Variants in MYO16 observed in about 807,000 individuals in gnomAD.
The protein encoded by MYO16 is unconventional myosin-XVI.
Under a neutral mutation model 205.3 loss-of-function variants are expected in MYO16, and 94 were observed. The ratio of observed to expected loss-of-function variants is 0.46; its 90% CI spans 0.39 to 0.54. MYO16 has a LOEUF of 0.54. Ranked by LOEUF, MYO16 falls within the 20% of genes least tolerant of loss-of-function variation. The probability of loss-of-function intolerance (pLI) is 0.00; values close to 1 mark genes in which losing one functional copy is unlikely to be tolerated. For synonymous variants in MYO16, 988 were observed against 954.0 expected, an observed-to-expected ratio of 1.04 and a Z score of -0.66; for missense variants, 2,315 against 2,387.5, an observed-to-expected ratio of 0.97 and a Z score of 0.63.
At chr13:108,909,910 C>A in intron 15 of MYO16, 93 bp from the exon 16 acceptor site, 1 of 1,315,484 alleles carries the variant, frequency 7.6e-7, no homozygotes, top group Non-Finnish European at 1.1e-6. Context: ...CTCAACAGTC[C>A]TTGTATCTCT....
At position 109,140,858 on chromosome 13, in the gene MYO16, A is replaced by G; in HGVS notation, c.4646A>G (p.Lys1549Arg). The G allele has an allele frequency of 1.3e-6, 2 of 1,597,866 alleles. No individual in the cohort carries two copies. The highest frequency in any genetic ancestry group is 1.7e-4 in the Middle Eastern group (1 of 5,986). ...CTGCCAGTCCTGGAGACCAACCTCA[A>G]GTACCCCGTGCAGCCGGAGGGGTCG... Reference protein sequence around the residue: ...KKLPVLETNLKYPVQPEGSSP... With the variant: ...KKLPVLETNLRYPVQPEGSSP... The change falls in exon 32 of 35, where the codon AAG (lysine) becomes AGG (arginine). Residue 1549 changes from lysine (K) to arginine (R), a missense_variant. Physicochemically the swap from Lys to Arg is conservative, Grantham distance 26 (BLOSUM62 2). Coordinates refer to ENST00000457511, the MANE Select transcript of MYO16 (RefSeq NM_001198950.3). The surrounding 1 kb of genome is among the most constrained non-coding windows in gnomAD (Gnocchi z 8.0).
chr13:109,196,719 T>G (rs1880173847), intron 34 of MYO16, among the ~76,000 whole-genome samples: 1 of 152,212 alleles, frequency 6.6e-6, no homozygotes, highest in South Asian at 2.1e-4. Flanking sequence ...GTTTGTGGAA[T>G]GGATCCCTTT....
At chr13:108,785,609 T>G in intron 4 of MYO16, 26 bp from the exon 5 acceptor site, 1 of 1,380,502 alleles carries the variant, frequency 7.2e-7, no homozygotes, top group Admixed American at 2.0e-5. Flanking sequence ...GTATATATGA[T>G]GTTATATTTT....
rs1311592873 is a variant in MYO16, at chr13:109,002,473, C to CT, written c.2443-6422dup. On this transcript the variant is annotated intron_variant, in intron 21 of 34. Transcript: ENST00000457511. ...GTGCATAGTTTTTATTAGTAAACCA[C>CT]TTAGCAGTGGCACTTCATGTACAAA... 2.6e-5 allele frequency among the ~76,000 whole-genome samples: 4 copies of CT among 152,244 alleles called. No homozygotes were observed. The East Asian group carries it at 7.7e-4, about 29-fold the overall frequency.
intron 2 of MYO16, among the ~76,000 whole-genome samples, chr13:108,688,659 A>G (rs1882775522): frequency 6.6e-6 from 1 of 152,174 alleles, no homozygotes; most frequent in African/African-American, 2.4e-5. Flanking sequence ...ATTTAGGCAG[A>G]AAACAGACTT....
intron 9 of MYO16, 128 bp from the exon 10 acceptor site, chr13:108,844,215 C>A (rs1225964209): frequency 1.6e-6 from 1 of 624,472 alleles, no homozygotes; most frequent in Non-Finnish European, 2.4e-6. Flanking sequence ...TTTTTTCCTG[C>A]AGTTTATAAG....
intron 31 of MYO16, among the ~76,000 whole-genome samples, chr13:109,130,517 C>T (rs939924932): frequency 6.6e-6 from 1 of 152,342 alleles, no homozygotes. Context: ...AGACAATTAA[C>T]CAGCTTAAGC....
chr13:108,881,312 G>A (rs1376343234), intron 12 of MYO16, among the ~76,000 whole-genome samples: 2 of 152,138 alleles, frequency 1.3e-5, no homozygotes, highest in Admixed American at 1.3e-4. Context: ...ATGACCAAAG[G>A]TAGATAAAAC....
chr13:108,562,425 A>C, the MYO16 span, among the ~76,000 whole-genome samples: 2 of 152,220 alleles, frequency 1.3e-5, no homozygotes, highest in Non-Finnish European at 2.9e-5. Flanking sequence ...AAGAAAATGT[A>C]GGAAGAGTAG....
the MYO16 span, among the ~76,000 whole-genome samples, chr13:108,528,527 G>A: frequency 7.2e-6 from 1 of 139,144 alleles, no homozygotes; most frequent in South Asian, 2.3e-4. Context: ...AAACATGAGA[G>A]TAGCTTCATT....
intron 27 of MYO16, among the ~76,000 whole-genome samples, chr13:109,087,560 C>T (rs1443713102): frequency 6.6e-6 from 1 of 152,056 alleles, no homozygotes; most frequent in African/African-American, 2.4e-5. Flanking sequence ...GCAGGAGAAT[C>T]ACCTGAACCC....
chr13:108,727,066 T>G (rs1156621241), intron 3 of MYO16, among the ~76,000 whole-genome samples: 3 of 151,500 alleles, frequency 2.0e-5, no homozygotes, highest in Non-Finnish European at 4.4e-5. Flanking sequence ...GATGCATGTT[T>G]TAGAGTAGAA....
intron 2 of MYO16, among the ~76,000 whole-genome samples, chr13:108,687,913 A>G (rs1432087994): frequency 1.3e-5 from 2 of 152,180 alleles, no homozygotes; most frequent in Non-Finnish European, 2.9e-5. Context: ...GACAAAGGAT[A>G]TTTGGACTGT....
chr13:108,541,360 TATTA>T, the MYO16 span, among the ~76,000 whole-genome samples: 1 of 151,038 alleles, frequency 6.6e-6, no homozygotes, highest in Non-Finnish European at 1.5e-5. Flanking sequence ...ATTATGCATC[TATTA>T]ATTTATATAT....
the MYO16 span, among the ~76,000 whole-genome samples, chr13:108,548,216 ATGG>A: frequency 3.6e-3 from 526 of 145,078 alleles, 6 homozygotes; most frequent in African/African-American, 0.012. Context: ...AATGATGATG[ATGG>A]TGGTGGTGGT....
intron 10 of MYO16, among the ~76,000 whole-genome samples, chr13:108,848,744 G>A (rs1366272299): frequency 2.0e-5 from 3 of 152,222 alleles, no homozygotes; most frequent in Non-Finnish European, 4.4e-5. Context: ...GAGTTCAGAA[G>A]TTGGAGGCTG....
At position 109,140,560 on chromosome 13, in the gene MYO16, G is replaced by T; in HGVS notation, c.4348G>T (p.Gly1450Trp). The stretch of plus-strand genomic sequence containing the variant: ...GGCCAGGCCCGATAGCCCGGACCCC[G>T]GGGAGTCCGTGTACGAGGAGATGAA... ...HAARPDSPDP[G>W]ESVYEEMKCC... Residue 1450 changes from glycine (G) to tryptophan (W), a missense_variant, in exon 32 of 35, where the codon GGG (glycine) becomes TGG (tryptophan). Coordinates refer to ENST00000457511, the MANE Select transcript of MYO16 (RefSeq NM_001198950.3). The surrounding 1 kb of genome is among the most constrained non-coding windows in gnomAD (Gnocchi z 8.0). 6.5e-7 allele frequency: 1 copy of T among 1,539,896 alleles called. No homozygotes were observed. The highest frequency in any genetic ancestry group is 2.4e-5 in the East Asian group (1 of 40,940).
At chr13:108,908,968 G>T (rs1594387400) in intron 15 of MYO16, among the ~76,000 whole-genome samples, 1 of 139,512 alleles carries the variant, frequency 7.2e-6, no homozygotes, top group Admixed American at 8.1e-5. Context: ...GTGAGACTGT[G>T]TCTCAAAAAA....
At chr13:109,189,958 A>T (rs1879843026) in intron 34 of MYO16, among the ~76,000 whole-genome samples, 1 of 151,376 alleles carries the variant, frequency 6.6e-6, no homozygotes, top group Non-Finnish European at 1.5e-5. Flanking sequence ...CCTCAGATAG[A>T]TGTTTTGTAT....
Sources: allele counts gnomAD v4.1 joint callset (sites outside exome capture counted in the v4.1 genomes callset), GRCh38; gene constraint gnomAD v4.1.1; non-coding constraint Gnocchi (gnomAD v3.1); transcripts MANE v1.5; gene names NCBI Gene and HGNC (gene_info 2026-07-23, HGNC 2026-07-21).